EPHA6: variants seen among roughly 807,000 people sequenced by gnomAD.
EPHA6 encodes the protein ephrin type-A receptor 6.
A neutral mutation model predicts 112.0 loss-of-function variants in EPHA6; 50 were observed. The observed-to-expected ratio is 0.45, with a 90% CI of 0.36 to 0.56. EPHA6 has a LOEUF of 0.56. Ranked by LOEUF, EPHA6 falls within the 20% of genes least tolerant of loss-of-function variation. The probability of loss-of-function intolerance (pLI) is 0.00; values close to 1 mark genes in which losing one functional copy is unlikely to be tolerated. For synonymous variants in EPHA6, 529 were observed against 490.7 expected (o/e 1.08, Z -1.03); for missense variants, 1,280 against 1,417.4 (o/e 0.90, Z 1.56).
chr3:97,490,622 T>A (rs934181580), intron 10 of EPHA6, among the ~76,000 whole-genome samples: 1 of 152,240 alleles, frequency 6.6e-6, no homozygotes, highest in African/African-American at 2.4e-5. Context: ...CTTAGAATGA[T>A]GTTCTTTCTT....
chr3:97,662,564 A>G (rs1294303170), intron 14 of EPHA6, among the ~76,000 whole-genome samples: 2 of 152,178 alleles, frequency 1.3e-5, no homozygotes, highest in Non-Finnish European at 2.9e-5. Flanking sequence ...ACAATCCAAA[A>G]TAAATATTCT....
intron 5 of EPHA6, among the ~76,000 whole-genome samples, chr3:97,377,017 A>G (rs9840240): frequency 0.016 from 2,421 of 152,312 alleles, 77 homozygotes; most frequent in African/African-American, 0.055. Flanking sequence ...CGAAAGTGGA[A>G]CAAATATGAT....
At chr3:97,576,777 A>T (rs1393452767) in intron 11 of EPHA6, among the ~76,000 whole-genome samples, 5 of 152,214 alleles carry the variant, frequency 3.3e-5, no homozygotes, top group Admixed American at 2.0e-4. Flanking sequence ...TTGAAAAAAG[A>T]AAAAGATTTC....
At chr3:96,897,052 G>C (rs879874282) in intron 2 of EPHA6, among the ~76,000 whole-genome samples, 1 of 151,206 alleles carries the variant, frequency 6.6e-6, no homozygotes, top group Non-Finnish European at 1.5e-5. Flanking sequence ...AGAATTCACT[G>C]TTAAGGACTC....
chr3:97,745,313 C>T lies in EPHA6; in HGVS notation c.3129-2110C>T. ...CAATTCAAGTATTTGTTGGTAGATG[C>T]TATGATAGCTTTCCAATCTTTGAAT... On this transcript the variant is annotated intron_variant, in intron 16 of 17. Coordinates refer to ENST00000389672, the MANE Select transcript of EPHA6 (RefSeq NM_001080448.3). 1.4e-5 allele frequency: 6 copies of T among 442,038 alleles called. No homozygotes were observed. In the Middle Eastern group the frequency reaches 2.1e-3, roughly 153 times the overall value. 27.4% of individuals were successfully genotyped at this position (442,038 alleles called of 1,614,324 possible).
intron 5 of EPHA6, among the ~76,000 whole-genome samples, chr3:97,394,335 G>A (rs2086583519): frequency 6.6e-6 from 1 of 151,806 alleles, no homozygotes; most frequent in African/African-American, 2.4e-5. Context: ...AGAACATGGA[G>A]AAAACACTTC....
chr3:96,949,437 T>G (rs969561962), intron 2 of EPHA6, among the ~76,000 whole-genome samples: 1 of 152,112 alleles, frequency 6.6e-6, no homozygotes, highest in African/African-American at 2.4e-5. Context: ...TCAGTTTCTT[T>G]ATTTGTAAAG....
intron 2 of EPHA6, among the ~76,000 whole-genome samples, chr3:96,942,780 C>T (rs899315658): frequency 9.9e-5 from 15 of 152,106 alleles, no homozygotes; most frequent in Admixed American, 5.9e-4. Flanking sequence ...GTTTTAAGTT[C>T]AAGTTTAAAA....
chr3:97,725,952 T>C lies in EPHA6; in HGVS notation c.2934+5542T>C, dbSNP rs548673949. On this transcript the variant is annotated intron_variant, in intron 15 of 17. Coordinates refer to ENST00000389672, the MANE Select transcript of EPHA6 (RefSeq NM_001080448.3). ...AAGCTTTCTGAGATACTGGGTATACTGAGGTTCAAAATACCCAGCTCTGGA... is the reference window on the plus strand; with the variant it reads ...AAGCTTTCTGAGATACTGGGTATACCGAGGTTCAAAATACCCAGCTCTGGA... Among the ~76,000 whole-genome samples the C allele has an allele frequency of 9.2e-5, 14 of 152,174 alleles. No individual in the cohort carries two copies. The South Asian group carries it at 2.5e-3, about 27-fold the overall frequency.
At chr3:97,403,282 G>A (rs2087112215) in intron 5 of EPHA6, among the ~76,000 whole-genome samples, 1 of 151,704 alleles carries the variant, frequency 6.6e-6, no homozygotes, top group Admixed American at 6.6e-5. Flanking sequence ...AATTCTTAAA[G>A]CAAATTAAAT....
At chr3:96,925,989 C>T (rs961631761) in intron 2 of EPHA6, among the ~76,000 whole-genome samples, 1 of 152,040 alleles carries the variant, frequency 6.6e-6, no homozygotes. Context: ...TGTTTTCTAC[C>T]AGCTTTGGGG....
chr3:96,938,820 G>C lies in EPHA6; in HGVS notation c.451-48510G>C, dbSNP rs535432114. ...TTTATTGAGAGTTTTTAGCATGAAG[G>C]GCTGTTGAATTTTGTCAAAGACCTT... On this transcript the variant is annotated intron_variant, in intron 2 of 17. Coordinates refer to ENST00000389672, the MANE Select transcript of EPHA6 (RefSeq NM_001080448.3). Among the ~76,000 whole-genome samples the C allele has an allele frequency of 2.5e-4, 38 of 152,154 alleles. No individual in the cohort carries two copies. The South Asian group carries it at 2.9e-3, about 12-fold the overall frequency.
intron 14 of EPHA6, among the ~76,000 whole-genome samples, chr3:97,692,107 T>C (rs1395528757): frequency 6.6e-6 from 1 of 152,208 alleles, no homozygotes; most frequent in Non-Finnish European, 1.5e-5. Flanking sequence ...TTTATAGATT[T>C]AAAGTTAGAG....
At chr3:96,927,078 C>A (rs1416700187) in intron 2 of EPHA6, among the ~76,000 whole-genome samples, 1 of 152,324 alleles carries the variant, frequency 6.6e-6, no homozygotes, top group East Asian at 1.9e-4. Flanking sequence ...GCAGAGGTTC[C>A]CGAACCTTAA....
chr3:97,001,094 T>C (rs2043647552), intron 3 of EPHA6, among the ~76,000 whole-genome samples: 1 of 146,130 alleles, frequency 6.8e-6, no homozygotes, highest in East Asian at 1.9e-4. Context: ...CCGAACTAAG[T>C]ATGCCAAATT....
chr3:97,738,555 A>G (rs1034974139), intron 16 of EPHA6, among the ~76,000 whole-genome samples: 1 of 152,092 alleles, frequency 6.6e-6, no homozygotes, highest in East Asian at 1.9e-4. Flanking sequence ...AAGATGAGAA[A>G]GTGTCAAAAA....
intron 7 of EPHA6, among the ~76,000 whole-genome samples, chr3:97,469,254 C>T (rs2091152998): frequency 6.6e-6 from 1 of 151,646 alleles, no homozygotes; most frequent in African/African-American, 2.4e-5. Flanking sequence ...AGTTTTTCCA[C>T]CTCTTCCATC....
intron 15 of EPHA6, among the ~76,000 whole-genome samples, chr3:97,732,156 A>G (rs1038770267): frequency 9.9e-5 from 15 of 151,830 alleles, no homozygotes; most frequent in African/African-American, 3.1e-4. Context: ...TGATCTCAAG[A>G]AACATAATTT....
chr3:97,552,835 CTTA>C lies in EPHA6; in HGVS notation c.2386+20296_2386+20298del, dbSNP rs1450110641. Among the ~76,000 whole-genome samples, 6 of 152,060 alleles carry C rather than the reference CTTA, an allele frequency of 3.9e-5. 1 individual carries two copies. Among genetic ancestry groups the C allele is most frequent in the South Asian group, 4.1e-4 (2 of 4,822 alleles). On this transcript the variant is annotated intron_variant, in intron 11 of 17. Transcript: ENST00000389672. ...ATACTCTGATTTTGTAAAGTAATAA[CTTA>C]TTAGTTTTTGAAAATGTTTCATAAC...
Sources: gnomAD v4.1 joint callset for allele counts (sites outside exome capture counted in the v4.1 genomes callset) on GRCh38, gnomAD v4.1.1 for gene constraint, MANE v1.5 for transcripts, NCBI Gene and HGNC (gene_info 2026-07-23, HGNC 2026-07-21) for gene names.